The following CDH13 variants were observed in gnomAD, a reference collection of about 807,000 sequenced individuals.
CDH13 encodes cadherin-13.
A neutral mutation model predicts 63.8 loss-of-function variants in CDH13; 24 were observed. The ratio of observed to expected loss-of-function variants is 0.38; its 90% CI spans 0.27 to 0.53. The LOEUF (loss-of-function observed/expected upper bound fraction) is 0.53. Ranked by LOEUF, CDH13 falls within the 20% of genes least tolerant of loss-of-function variation. The pLI is 0.85. For missense variants in CDH13, 1,049 were observed against 903.1 expected, an observed-to-expected ratio of 1.16 and a Z score of -2.07; for synonymous variants, 503 against 355.3, an observed-to-expected ratio of 1.42 and a Z score of -4.67.
At chr16:83,050,055 G>T (rs12447744) in intron 3 of CDH13, among the ~76,000 whole-genome samples, 20,745 of 151,976 alleles carry the variant, frequency 0.14, 1,518 homozygotes, top group Admixed American at 0.23. Context: ...TGATTGAATG[G>T]GGGTGGCTCT....
At chr16:83,149,740 C>T (rs1409858285) in intron 4 of CDH13, among the ~76,000 whole-genome samples, 1 of 152,172 alleles carries the variant, frequency 6.6e-6, no homozygotes, top group African/African-American at 2.4e-5. Flanking sequence ...ATTGGAAGCA[C>T]TGGGGTGCTG....
At chr16:83,421,872 C>G (rs970832279) in intron 6 of CDH13, among the ~76,000 whole-genome samples, 1 of 152,164 alleles carries the variant, frequency 6.6e-6, no homozygotes, top group African/African-American at 2.4e-5. Context: ...ATAAAATAGT[C>G]AAGATTACCC....
At chr16:83,706,378 G>A (rs1262046285) in intron 10 of CDH13, among the ~76,000 whole-genome samples, 2 of 152,112 alleles carry the variant, frequency 1.3e-5, no homozygotes, top group Non-Finnish European at 2.9e-5. Flanking sequence ...ACACTCTAGG[G>A]GACAGGAACT....
intron 4 of CDH13, among the ~76,000 whole-genome samples, chr16:83,130,283 T>TAATG (rs1300133208): frequency 6.6e-6 from 1 of 152,206 alleles, no homozygotes; most frequent in Non-Finnish European, 1.5e-5. Flanking sequence ...GACTCAGGGG[T>TAATG]GACGTAACCT....
At chr16:82,867,909 C>G (rs1159299367) in intron 2 of CDH13, among the ~76,000 whole-genome samples, 1 of 152,094 alleles carries the variant, frequency 6.6e-6, no homozygotes, top group African/African-American at 2.4e-5. Context: ...TCTACATTCT[C>G]TATCTTGAGA....
At chr16:82,995,741 C>G (rs1912136580) in intron 2 of CDH13, among the ~76,000 whole-genome samples, 3 of 152,188 alleles carry the variant, frequency 2.0e-5, no homozygotes, top group Non-Finnish European at 2.9e-5. Context: ...CAGGAAGCCA[C>G]TGCATTCCCC....
intron 5 of CDH13, among the ~76,000 whole-genome samples, chr16:83,315,133 G>A (rs1299718157): frequency 6.6e-6 from 1 of 152,214 alleles, no homozygotes; most frequent in Non-Finnish European, 1.5e-5. Context: ...ATAGTAGCCT[G>A]TCTGTGTATG....
chr16:82,808,995 G>A (rs2037302160), intron 1 of CDH13, among the ~76,000 whole-genome samples: 1 of 152,100 alleles, frequency 6.6e-6, no homozygotes, highest in Non-Finnish European at 1.5e-5. Context: ...ATGTGTATAT[G>A]TATGGGTATA....
chr16:82,812,223 C>T (rs2037482656), intron 1 of CDH13, among the ~76,000 whole-genome samples: 1 of 152,142 alleles, frequency 6.6e-6, no homozygotes, highest in African/African-American at 2.4e-5. Flanking sequence ...TAACTACTTT[C>T]CCAGTAGCTG....
At chr16:83,289,273 A>G (rs1046956543) in intron 5 of CDH13, among the ~76,000 whole-genome samples, 4 of 152,178 alleles carry the variant, frequency 2.6e-5, no homozygotes, top group African/African-American at 9.7e-5. Context: ...AAATTGTAAC[A>G]CCAGCTTCAC....
In CDH13 at chr16:83,486,643, G is replaced by C. The variant is rs763705714; in HGVS notation, c.948G>C (p.Leu316=). Residue 316 remains leucine (L), a synonymous_variant, in exon 7 of 14, where the codon CTG becomes CTC. Coordinates refer to ENST00000567109, the MANE Select transcript of CDH13 (RefSeq NM_001257.5). ...TTGTCACTGTTGTGTCACCTGCGCT[G>C]CTGGACCGAGAGGTGAGCTGAAAAG... ...GDIVTVVSPA[L]LDRETLENPK... 1.3e-5 allele frequency: 21 copies of C among 1,613,592 alleles called. No homozygotes were observed. The African/African-American group carries it at 2.0e-4, about 15-fold the overall frequency.
chr16:83,709,511 G>A (rs1185451449), intron 10 of CDH13, among the ~76,000 whole-genome samples: 1 of 152,300 alleles, frequency 6.6e-6, no homozygotes, highest in African/African-American at 2.4e-5. Flanking sequence ...CACAGGAATT[G>A]CATCATAATC....
chr16:83,260,715 C>G, intron 5 of CDH13, among the ~76,000 whole-genome samples: 1 of 152,154 alleles, frequency 6.6e-6, no homozygotes, highest in Non-Finnish European at 1.5e-5. Flanking sequence ...ACCGACAGCC[C>G]CATCCAGTAA....
chr16:83,776,665 C>T (rs1350582998), intron 11 of CDH13, among the ~76,000 whole-genome samples: 1 of 152,196 alleles, frequency 6.6e-6, no homozygotes, highest in Non-Finnish European at 1.5e-5. Context: ...GAAACCTCTT[C>T]CAAAAGTGTC....
intron 1 of CDH13, among the ~76,000 whole-genome samples, chr16:82,650,441 A>G (rs191714703): frequency 6.6e-6 from 1 of 152,254 alleles, no homozygotes; most frequent in Non-Finnish European, 1.5e-5. Flanking sequence ...TCTTATGCTC[A>G]TATCATTGAT....
intron 5 of CDH13, among the ~76,000 whole-genome samples, chr16:83,316,330 A>T (rs1239537965): frequency 6.6e-6 from 1 of 152,180 alleles, no homozygotes. Context: ...AATAATTGCT[A>T]CCGTAATTGA....
At chr16:82,729,578 C>G (rs1400272804) in intron 1 of CDH13, among the ~76,000 whole-genome samples, 1 of 151,824 alleles carries the variant, frequency 6.6e-6, no homozygotes, top group African/African-American at 2.4e-5. Flanking sequence ...GTTAGACAGG[C>G]TTTTTAAAAG....
Position 83,795,055 on chromosome 16 carries a change from C to A in CDH13, c.*25C>A. 1 of 1,577,610 alleles carries A rather than the reference C, an allele frequency of 6.3e-7. No individual in the cohort carries two copies. Among genetic ancestry groups the A allele is most frequent in the Non-Finnish European group, 8.6e-7 (1 of 1,161,344 alleles). On this transcript the variant is annotated 3_prime_UTR_variant, in exon 14 of 14. Transcript: ENST00000567109. ...AGAACTCCTGACGTCTGAAGCTTGA[C>A]TCCCAAGTTTCCATAGCAACAGGAA...
At chr16:83,016,824 A>G (rs897034082) in intron 2 of CDH13, among the ~76,000 whole-genome samples, 1 of 148,184 alleles carries the variant, frequency 6.7e-6, no homozygotes, top group South Asian at 2.1e-4. Context: ...ATCTTTTTGT[A>G]CAAAAGATGC....
Sources: allele counts gnomAD v4.1 joint callset (sites outside exome capture counted in the v4.1 genomes callset), GRCh38; gene constraint gnomAD v4.1.1; transcripts MANE v1.5; gene names NCBI Gene and HGNC (gene_info 2026-07-23, HGNC 2026-07-21).